The following CMTM7 variants were observed in gnomAD, a reference collection of about 807,000 sequenced individuals.
CMTM7 encodes the protein CKLF-like MARVEL transmembrane domain-containing protein 7.
A neutral mutation model predicts 19.3 loss-of-function variants in CMTM7; 7 were observed. The ratio of observed to expected loss-of-function variants is 0.36; its 90% CI spans 0.21 to 0.68. The LOEUF (loss-of-function observed/expected upper bound fraction) is 0.68, where lower values mean the gene tolerates loss of function less well. CMTM7 is among the 30% of genes least tolerant of loss of function. CMTM7 has a pLI of 0.60. For missense variants in CMTM7, 193 were observed against 232.6 expected, an observed-to-expected ratio of 0.83 and a Z score of 1.11; for synonymous variants, 87 against 99.3, an observed-to-expected ratio of 0.88 and a Z score of 0.74.
chr3:32,407,667 A>G (rs572415142), intron 1 of CMTM7, among the ~76,000 whole-genome samples: 73 of 152,278 alleles, frequency 4.8e-4, no homozygotes, highest in African/African-American at 1.7e-3. Context: ...AGGGTTCCTC[A>G]GTGTCCCCAT....
At chr3:32,454,172 C>G (rs1553613580) in intron 4 of CMTM7, 69 bp from the exon 5 acceptor site, 1 of 1,533,614 alleles carries the variant, frequency 6.5e-7, no homozygotes, top group Non-Finnish European at 8.8e-7. Flanking sequence ...GGAGTCAAAC[C>G]TGTGGAGTGT....
intron 1 of CMTM7, among the ~76,000 whole-genome samples, chr3:32,399,226 C>A (rs1347858801): frequency 6.6e-6 from 1 of 151,818 alleles, no homozygotes; most frequent in Non-Finnish European, 1.5e-5. Flanking sequence ...GCTGTACCGC[C>A]CCCTAGGGGT....
At chr3:32,452,919 ATTTTTTTTTTTTTTT>A (rs368112448) in intron 4 of CMTM7, among the ~76,000 whole-genome samples, 23 of 35,320 alleles carry the variant, frequency 6.5e-4, no homozygotes, top group Non-Finnish European at 9.6e-4. Context: ...CCTAATTTCA[ATTTTTTTTTTTTTTT>A]TTTTTTTTTT....
chr3:32,410,199 A>C (rs1439150402), intron 1 of CMTM7, among the ~76,000 whole-genome samples: 1 of 152,010 alleles, frequency 6.6e-6, no homozygotes, highest in Non-Finnish European at 1.5e-5. Context: ...TCATTACAGC[A>C]CTTTGCCAGC....
At chr3:32,430,832 A>C (rs347153) in intron 1 of CMTM7, among the ~76,000 whole-genome samples, 92,390 of 151,838 alleles carry the variant, frequency 0.61, 28,550 homozygotes, top group Non-Finnish European at 0.66. Flanking sequence ...AAGACTTTGC[A>C]CCAGGGTGAT....
intron 1 of CMTM7, among the ~76,000 whole-genome samples, chr3:32,411,844 C>T (rs182544553): frequency 1.2e-4 from 18 of 152,240 alleles, no homozygotes; most frequent in Admixed American, 5.2e-4. Flanking sequence ...TTTGGGAGGC[C>T]GAGGCAGGCG....
At chr3:32,424,195 G>T (rs570665857) in intron 1 of CMTM7, among the ~76,000 whole-genome samples, 151 of 152,282 alleles carry the variant, frequency 9.9e-4, no homozygotes, top group African/African-American at 3.5e-3. Context: ...GATGCTGGCT[G>T]GCGGCCTTAT....
At chr3:32,393,884 A>G (rs1695876992) in intron 1 of CMTM7, among the ~76,000 whole-genome samples, 1 of 152,096 alleles carries the variant, frequency 6.6e-6, no homozygotes, top group Non-Finnish European at 1.5e-5. Context: ...TCTCCATCTC[A>G]TCTTAAGCTC....
chr3:32,454,595 C>A lies in CMTM7; in HGVS notation c.*341C>A. 2.0e-6 allele frequency: 1 copy of A among 496,302 alleles called. No individual in the cohort carries two copies. The highest frequency in any genetic ancestry group is 2.7e-5 in the Admixed American group (1 of 37,152). The allele number at this position is 496,302 out of a possible 1,614,324, so 30.7% of individuals were successfully genotyped here. A position where few individuals can be genotyped will look rare whatever the true frequency, so the allele number is the denominator to read the frequency against. ...TGAAGGGGTTTGTGAATACTCCCGC[C>A]TAAATCCCTTCTACTTCACTCCTCA... is the stretch of plus-strand genomic sequence containing the variant. On this transcript the variant is annotated 3_prime_UTR_variant, in exon 5 of 5. Coordinates refer to ENST00000334983, the MANE Select transcript of CMTM7 (RefSeq NM_138410.4).
intron 1 of CMTM7, among the ~76,000 whole-genome samples, chr3:32,424,561 T>G (rs1221995528): frequency 6.6e-6 from 1 of 152,154 alleles, no homozygotes; most frequent in Non-Finnish European, 1.5e-5. Context: ...GGCCAAAGGA[T>G]TCAGAATATC....
intron 1 of CMTM7, among the ~76,000 whole-genome samples, chr3:32,411,239 T>C (rs919696300): frequency 6.6e-6 from 1 of 152,232 alleles, no homozygotes; most frequent in Non-Finnish European, 1.5e-5. Flanking sequence ...AGAAAAATAA[T>C]AATTATGTGG....
chr3:32,419,926 G>A (rs888492811), intron 1 of CMTM7, among the ~76,000 whole-genome samples: 1 of 152,132 alleles, frequency 6.6e-6, no homozygotes, highest in Non-Finnish European at 1.5e-5. Context: ...TTTCCTCTCT[G>A]TGTGGTTGGT....
Position 32,391,928 on chromosome 3 carries a change from G to T in CMTM7, c.22G>T (p.Val8Phe). The change falls in exon 1 of 5, where the codon GTC becomes TTC. Residue 8 changes from valine (V) to phenylalanine (F), a missense_variant. Physicochemically the swap from Val to Phe is conservative, Grantham distance 50. Transcript: ENST00000334983. ...CGCAATGTCGCACGGAGCCGGGCTC[G>T]TCCGCACCACGTGCAGCAGCGGCAG... Reference protein sequence around the residue: MSHGAGLVRTTCSSGSAL... With the variant: MSHGAGLFRTTCSSGSAL... The T allele has an allele frequency of 1.6e-6, 2 of 1,227,038 alleles. No individual in the cohort carries two copies. The highest frequency in any genetic ancestry group is 2.0e-6 in the Non-Finnish European group (2 of 984,688). 76.0% of individuals were successfully genotyped at this position (1,227,038 alleles called of 1,614,324 possible).
Position 32,450,725 on chromosome 3 carries a change from GGAAGAGGCACACAGGAGACCTGT to G in CMTM7, c.432+1175_432+1197del, listed in dbSNP as rs1206786491. 2.0e-5 allele frequency among the ~76,000 whole-genome samples: 3 copies of G among 152,250 alleles called. No homozygotes were observed. In the East Asian group the frequency reaches 5.8e-4, roughly 29 times the overall value. On this transcript the variant is annotated intron_variant, in intron 3 of 4. Coordinates refer to ENST00000334983, the MANE Select transcript of CMTM7 (RefSeq NM_138410.4). Reference sequence around the variant, plus strand: ...CTGCCCAGCTACAGTGCAGGGTACTGGAAGAGGCACACAGGAGACCTGTGCCCACTGTGTTTCCGGGCCCACTT... The same window carrying G: ...CTGCCCAGCTACAGTGCAGGGTACTGGCCCACTGTGTTTCCGGGCCCACTT...
intron 1 of CMTM7, among the ~76,000 whole-genome samples, chr3:32,406,413 G>T (rs7634580): frequency 0.37 from 56,625 of 151,978 alleles, 11,402 homozygotes; most frequent in African/African-American, 0.52. Context: ...CAACATTTTT[G>T]CATGTGTTCT....
intron 1 of CMTM7, among the ~76,000 whole-genome samples, chr3:32,422,631 C>G (rs1696362203): frequency 6.6e-6 from 1 of 152,140 alleles, no homozygotes; most frequent in African/African-American, 2.4e-5. Flanking sequence ...GACTGGGAAA[C>G]CAGGAAAATT....
At chr3:32,402,538 T>G (rs866142425) in intron 1 of CMTM7, among the ~76,000 whole-genome samples, 1 of 152,312 alleles carries the variant, frequency 6.6e-6, no homozygotes, top group Middle Eastern at 3.4e-3. Flanking sequence ...CTCATTTGTT[T>G]TATTTTATTC....
Position 32,429,746 on chromosome 3 carries a change from G to A in CMTM7, c.160-12094G>A, listed in dbSNP as rs566001268. Among the ~76,000 whole-genome samples the A allele has an allele frequency of 2.4e-3, 359 of 151,742 alleles. 1 individual carries two copies. The highest frequency in any genetic ancestry group is 3.7e-3 in the Non-Finnish European group (249 of 67,892). On this transcript the variant is annotated intron_variant, in intron 1 of 4. Transcript: ENST00000334983. ...CTCCCGAGTAGCTGGGACTACAGGC[G>A]CCCGCCACCACACCCAGCTAATTTT...
chr3:32,402,432 A>G (rs1275680673), intron 1 of CMTM7, among the ~76,000 whole-genome samples: 1 of 152,080 alleles, frequency 6.6e-6, no homozygotes, highest in Non-Finnish European at 1.5e-5. Context: ...AGATAGTTAG[A>G]AAGACCGATT....
Sources: gnomAD v4.1 joint callset for allele counts (sites outside exome capture counted in the v4.1 genomes callset) on GRCh38, gnomAD v4.1.1 for gene constraint, MANE v1.5 for transcripts, NCBI Gene and HGNC (gene_info 2026-07-23, HGNC 2026-07-21) for gene names.